Variants in PARD3B observed in about 807,000 individuals in gnomAD.
The protein encoded by PARD3B is partitioning defective 3 homolog B.
In PARD3B, 103 loss-of-function variants were observed where a neutral mutation model predicts 130.2. The ratio of observed to expected loss-of-function variants is 0.79; its 90% CI spans 0.67 to 0.93. The LOEUF (loss-of-function observed/expected upper bound fraction) is 0.93, where lower values mean the gene tolerates loss of function less well. Among genes scored for constraint, PARD3B ranks in the 40% least tolerant of loss-of-function variants. PARD3B has a pLI of 0.00. For synonymous variants in PARD3B, 583 were observed against 553.2 expected (o/e 1.05, Z -0.76); for missense variants, 1,609 against 1,499.2 (o/e 1.07, Z -1.21).
intron 2 of PARD3B, among the ~76,000 whole-genome samples, chr2:204,914,874 C>T (rs1575292292): frequency 6.6e-6 from 1 of 152,254 alleles, no homozygotes; most frequent in African/African-American, 2.4e-5. Flanking sequence ...AGCTCCAGAT[C>T]CCCAGCTGCC....
chr2:205,234,606 C>G (rs1177932873), intron 15 of PARD3B, among the ~76,000 whole-genome samples: 2 of 152,084 alleles, frequency 1.3e-5, no homozygotes, highest in African/African-American at 2.4e-5. Context: ...GATTTTGACA[C>G]TATGTCTCAA....
rs1252739655 is a variant in PARD3B at position 205,473,704 on chromosome 2, A to G, written c.3045-26192A>G. On this transcript the variant is annotated intron_variant, in intron 20 of 22. Transcript: ENST00000406610. The surrounding 1 kb of genome is among the most constrained non-coding windows in gnomAD (Gnocchi z 4.9). ...TGTATGTATATATATATATATATATATATATACACACACACGTATATAAAA... is the reference window on the plus strand; with the variant it reads ...TGTATGTATATATATATATATATATGTATATACACACACACGTATATAAAA... 4.3e-5 allele frequency among the ~76,000 whole-genome samples: 5 copies of G among 117,058 alleles called. No homozygotes were observed. The South Asian group carries it at 1.1e-3, about 26-fold the overall frequency. 76.8% of individuals were successfully genotyped at this position (117,058 alleles called of 152,430 possible). A position where few individuals can be genotyped will look rare whatever the true frequency, so the allele number is the denominator to read the frequency against.
chr2:204,696,937 A>G (rs562111462), intron 2 of PARD3B, among the ~76,000 whole-genome samples: 29 of 152,118 alleles, frequency 1.9e-4, no homozygotes, highest in Non-Finnish European at 3.1e-4. Flanking sequence ...TTCAGAAATA[A>G]TGTCTTCATT....
intron 16 of PARD3B, among the ~76,000 whole-genome samples, chr2:205,250,275 G>T: frequency 6.6e-6 from 1 of 151,018 alleles, no homozygotes; most frequent in Non-Finnish European, 1.5e-5. Flanking sequence ...GTTTTAATAT[G>T]TATTGACTGT....
At chr2:204,752,207 C>A (rs1411126518) in intron 2 of PARD3B, among the ~76,000 whole-genome samples, 1 of 152,132 alleles carries the variant, frequency 6.6e-6, no homozygotes, top group Non-Finnish European at 1.5e-5. Context: ...TGGAGCTAGG[C>A]CCAGTGCCTT....
At chr2:204,904,832 A>G (rs1305229021) in intron 2 of PARD3B, among the ~76,000 whole-genome samples, 3 of 152,156 alleles carry the variant, frequency 2.0e-5, no homozygotes, top group Non-Finnish European at 4.4e-5. Context: ...TATGTTCTTC[A>G]CCTTTATGTT....
chr2:204,950,038 A>G (rs1689639021), intron 2 of PARD3B, among the ~76,000 whole-genome samples: 1 of 152,230 alleles, frequency 6.6e-6, no homozygotes, highest in Admixed American at 6.5e-5. Flanking sequence ...AGCTAGCATT[A>G]AATGAGCAAT....
chr2:205,193,299 G>A lies in PARD3B; in HGVS notation c.2119G>A (p.Ala707Thr). 1.2e-6 allele frequency: 2 copies of A among 1,610,634 alleles called. No individual in the cohort carries two copies. Among genetic ancestry groups the A allele is most frequent in the Non-Finnish European group, 8.5e-7 (1 of 1,176,870 alleles). ...GCAGCCTGAATCAATTAATTTGAAAGCCTCGAAGAGCATGGACCTTGGTAA... is the reference window on the plus strand; with the variant it reads ...GCAGCCTGAATCAATTAATTTGAAAACCTCGAAGAGCATGGACCTTGGTAA... ...ARQPESINLK[A>T]SKSMDLVPDE... Residue 707 changes from alanine (A) to threonine (T), a missense_variant, in exon 15 of 23, where the codon GCC becomes ACC. By Grantham distance (58) the Ala-to-Thr change is moderately conservative. Transcript: ENST00000406610.
chr2:204,773,338 A>G (rs1477276145), intron 2 of PARD3B, among the ~76,000 whole-genome samples: 2 of 151,958 alleles, frequency 1.3e-5, no homozygotes, highest in Admixed American at 6.6e-5. Flanking sequence ...CATTTTTGCA[A>G]AAACAATGCA....
intron 16 of PARD3B, among the ~76,000 whole-genome samples, chr2:205,256,981 G>A (rs1169739898): frequency 3.3e-5 from 5 of 152,060 alleles, no homozygotes; most frequent in African/African-American, 4.8e-5. Context: ...TCAATTTTTG[G>A]TATCCTAGAG....
At chr2:204,875,226 G>A (rs2045790716) in intron 2 of PARD3B, among the ~76,000 whole-genome samples, 1 of 152,148 alleles carries the variant, frequency 6.6e-6, no homozygotes, top group Non-Finnish European at 1.5e-5. Flanking sequence ...TCAGAAACAA[G>A]CCTTTTACTC....
In PARD3B at chr2:204,722,708, A is replaced by T. The variant is rs577397791; in HGVS notation, c.222+36426A>T. Among the ~76,000 whole-genome samples, 61 of 152,312 alleles carry T rather than the reference A, an allele frequency of 4.0e-4. No homozygotes were observed. The South Asian group carries it at 0.012, about 31-fold the overall frequency. On this transcript the variant is annotated intron_variant, in intron 2 of 22. Transcript: ENST00000406610. ...TGTTAATAAGGAAGGAGAAATACCA[A>T]GACTTTCGTGAGTACTTAAAATTCA...
chr2:205,002,890 G>A (rs1694959067), intron 3 of PARD3B, among the ~76,000 whole-genome samples: 1 of 152,120 alleles, frequency 6.6e-6, no homozygotes, highest in African/African-American at 2.4e-5. Flanking sequence ...GTCTCGCCGG[G>A]GTAATGCACT....
At chr2:205,020,600 A>C (rs1432176111) in intron 3 of PARD3B, among the ~76,000 whole-genome samples, 1 of 152,156 alleles carries the variant, frequency 6.6e-6, no homozygotes, top group Non-Finnish European at 1.5e-5. Context: ...TTTTAAGTTT[A>C]CATTCAGGTA....
At chr2:204,821,295 C>T (rs2043341962) in intron 2 of PARD3B, among the ~76,000 whole-genome samples, 2 of 151,934 alleles carry the variant, frequency 1.3e-5, no homozygotes. Context: ...AAATGGGAAC[C>T]AACCCAAATG....
At chr2:204,706,758 A>G (rs755366151) in intron 2 of PARD3B, among the ~76,000 whole-genome samples, 9 of 152,150 alleles carry the variant, frequency 5.9e-5, no homozygotes, top group Non-Finnish European at 1.3e-4. Context: ...ATTTTTAGGT[A>G]AGTAGTAGAT....
chr2:204,988,829 A>G (rs1559330787), intron 3 of PARD3B, among the ~76,000 whole-genome samples: 1 of 152,234 alleles, frequency 6.6e-6, no homozygotes, highest in Non-Finnish European at 1.5e-5. Context: ...CCCATATTAT[A>G]GGGTGACAGT....
chr2:204,764,998 T>C (rs1238113037), intron 2 of PARD3B, among the ~76,000 whole-genome samples: 2 of 152,100 alleles, frequency 1.3e-5, no homozygotes, highest in Non-Finnish European at 2.9e-5. Flanking sequence ...AGGAACAAAT[T>C]TACAGGTCAT....
chr2:204,880,922 C>G (rs1412638002), intron 2 of PARD3B, among the ~76,000 whole-genome samples: 1 of 152,108 alleles, frequency 6.6e-6, no homozygotes, highest in Non-Finnish European at 1.5e-5. Context: ...CTCTTGGCAT[C>G]TTGAATTAAT....
Sources: allele counts gnomAD v4.1 joint callset (sites outside exome capture counted in the v4.1 genomes callset), GRCh38; gene constraint gnomAD v4.1.1; non-coding constraint Gnocchi (gnomAD v3.1); transcripts MANE v1.5; gene names NCBI Gene and HGNC (gene_info 2026-07-23, HGNC 2026-07-21).